The following WDR59 variants were observed in gnomAD, a reference collection of about 807,000 sequenced individuals.
WDR59 encodes the protein WD repeat domain 59.
In WDR59, 100 loss-of-function variants were observed where a neutral mutation model predicts 131.2. The observed-to-expected ratio is 0.76, with a 90% confidence interval of 0.65 to 0.90. The LOEUF (loss-of-function observed/expected upper bound fraction) is 0.90, where lower values mean the gene tolerates loss of function less well. Ranked by LOEUF, WDR59 falls within the 40% of genes least tolerant of loss-of-function variation. The pLI, the probability that WDR59 is intolerant of heterozygous loss-of-function variation, is 0.00. For missense variants in WDR59, 1,203 were observed against 1,262.2 expected (o/e 0.95, Z 0.71); for synonymous variants, 601 against 466.2 (o/e 1.29, Z -3.72).
rs781382350 is a variant in WDR59 at position 74,923,909 on chromosome 16, C to A, written c.729+17G>T. On this transcript the variant is annotated intron_variant, in intron 9 of 25. Transcript: ENST00000262144. ...CAAAAAGAAGTTTCTTATCAAGAGG[C>A]AGGGTGGCTCACTCACTGTGTATCT... The A allele has an allele frequency of 2.5e-6, 4 of 1,611,010 alleles. No individual in the cohort carries two copies. In the South Asian group the frequency reaches 4.4e-5, roughly 18 times the overall value.
chr16:74,885,593 A>C, intron 25 of WDR59, 60 bp downstream of exon 25: 3 of 1,583,886 alleles, frequency 1.9e-6, no homozygotes, highest in Non-Finnish European at 1.7e-6. Flanking sequence ...GAGGCTGTGG[A>C]CATATTAAAT....
rs116010716 is a variant in WDR59, at chr16:74,928,766, G to A, written c.652-4763C>T. On this transcript the variant is annotated intron_variant, in intron 8 of 25. Coordinates refer to ENST00000262144, the MANE Select transcript of WDR59 (RefSeq NM_030581.4). Reference sequence around the variant, plus strand: ...AAAAAAGAAAATACAAAAATAATCCGGGTGTGGTGGTGTGCATCTGTAATC... The same window carrying A: ...AAAAAAGAAAATACAAAAATAATCCAGGTGTGGTGGTGTGCATCTGTAATC... Among the ~76,000 whole-genome samples, 991 of 152,048 alleles carry A rather than the reference G, an allele frequency of 6.5e-3. 11 individuals carry two copies. Among genetic ancestry groups the A allele is most frequent in the African/African-American group, 0.022 (932 of 41,480 alleles).
At chr16:74,946,030 T>C (rs1418178870) in intron 6 of WDR59, among the ~76,000 whole-genome samples, 2 of 151,876 alleles carry the variant, frequency 1.3e-5, no homozygotes, top group Non-Finnish European at 2.9e-5. Context: ...TTGAGGCTGG[T>C]CTCGAACTCC....
At chr16:74,960,966 A>G (rs1483501638) in intron 2 of WDR59, among the ~76,000 whole-genome samples, 1 of 152,042 alleles carries the variant, frequency 6.6e-6, no homozygotes, top group African/African-American at 2.4e-5. Flanking sequence ...TATTTACTTA[A>G]GTTTACCACA....
intron 6 of WDR59, among the ~76,000 whole-genome samples, chr16:74,945,311 C>T (rs868808503): frequency 1.1e-4 from 17 of 150,066 alleles, no homozygotes; most frequent in Non-Finnish European, 4.4e-5. Flanking sequence ...CCTGTCTCTA[C>T]TAAAAATACA....
chr16:74,874,471 CAA>C (rs1268765136), intron 25 of WDR59, 27 bp from the exon 26 acceptor site: 3 of 1,605,338 alleles, frequency 1.9e-6, no homozygotes, highest in Non-Finnish European at 2.6e-6. Context: ...ACGGGCAAAA[CAA>C]GAGGCAGCAT....
chr16:74,916,074 CTCT>C, intron 12 of WDR59, 50 bp downstream of exon 12: 1 of 1,613,984 alleles, frequency 6.2e-7, no homozygotes. Flanking sequence ...TCTGCCACAA[CTCT>C]GCAATGCGTA....
chr16:74,910,409 C>T (rs577985466), intron 14 of WDR59, among the ~76,000 whole-genome samples: 93 of 152,272 alleles, frequency 6.1e-4, no homozygotes, highest in African/African-American at 2.2e-3. Context: ...CACTCCTGAG[C>T]CCTCCTAGAG....
intron 18 of WDR59, among the ~76,000 whole-genome samples, chr16:74,899,931 A>C (rs1965469088): frequency 6.6e-6 from 1 of 152,188 alleles, no homozygotes; most frequent in Non-Finnish European, 1.5e-5. Flanking sequence ...GCACAGCGGA[A>C]TTCGGCTTCC....
rs183196457 is a variant in WDR59, at chr16:74,909,731, T to C, written c.1486-74A>G. 2.2e-4 allele frequency: 341 copies of C among 1,561,746 alleles called. 1 individual carries two copies. In the African/African-American group the frequency reaches 4.1e-3, roughly 19 times the overall value. On this transcript the variant is annotated intron_variant, in intron 15 of 25. Transcript: ENST00000262144. ...TGAACTACAAAATAAAGACCCAGTA[T>C]GACAAAACCAGAAAACCCATGATTT...
At chr16:74,881,357 T>C (rs970424436) in intron 25 of WDR59, among the ~76,000 whole-genome samples, 3 of 151,878 alleles carry the variant, frequency 2.0e-5, no homozygotes, top group Non-Finnish European at 2.9e-5. Flanking sequence ...GTATTTTTTT[T>C]CTTTAATTTT....
chr16:74,979,427 C>A (rs1011427580), intron 1 of WDR59, among the ~76,000 whole-genome samples: 1 of 151,284 alleles, frequency 6.6e-6, no homozygotes, highest in African/African-American at 2.4e-5. Context: ...GATCGAGCCA[C>A]TGCACTCCAG....
At chr16:74,933,456 A>G (rs1385365490) in intron 8 of WDR59, among the ~76,000 whole-genome samples, 1 of 140,174 alleles carries the variant, frequency 7.1e-6, no homozygotes, top group Non-Finnish European at 1.6e-5. Context: ...TGTTTTTCAT[A>G]AAGCTCATGA....
intron 1 of WDR59, among the ~76,000 whole-genome samples, chr16:74,969,939 C>A (rs1459449155): frequency 1.3e-5 from 2 of 151,114 alleles, no homozygotes; most frequent in Non-Finnish European, 3.0e-5. Flanking sequence ...GGGGGGTTTT[C>A]TTGAGACAGG....
At chr16:74,916,869 A>AAC (rs1555559155) in intron 11 of WDR59, among the ~76,000 whole-genome samples, 3 of 151,750 alleles carry the variant, frequency 2.0e-5, no homozygotes, top group African/African-American at 4.8e-5. Context: ...AAAAAAAAAA[A>AAC]AACGAAAACC....
intron 3 of WDR59, among the ~76,000 whole-genome samples, chr16:74,952,932 G>A (rs1597788241): frequency 6.6e-6 from 1 of 152,038 alleles, no homozygotes; most frequent in Non-Finnish European, 1.5e-5. Flanking sequence ...AAAGAGAATA[G>A]GAATGAAAAG....
chr16:74,883,787 G>A (rs959732361), intron 25 of WDR59, among the ~76,000 whole-genome samples: 1 of 152,090 alleles, frequency 6.6e-6, no homozygotes, highest in Non-Finnish European at 1.5e-5. Context: ...CCCAGCCCCA[G>A]CTCCAGGGTC....
At chr16:74,903,822 A>T in intron 18 of WDR59, 125 bp downstream of exon 18, 1 of 1,247,100 alleles carries the variant, frequency 8.0e-7, no homozygotes, top group Non-Finnish European at 1.1e-6. Flanking sequence ...TTTCTTGAAC[A>T]AACTGATTAC....
At chr16:74,948,730 G>A (rs984614037) in intron 5 of WDR59, among the ~76,000 whole-genome samples, 174 bp from the exon 6 acceptor site, 2 of 152,108 alleles carry the variant, frequency 1.3e-5, no homozygotes, top group Non-Finnish European at 2.9e-5. Context: ...GGCCAGGTAC[G>A]GTGACTCATG....
Sources: allele counts gnomAD v4.1 joint callset (sites outside exome capture counted in the v4.1 genomes callset), GRCh38; gene constraint gnomAD v4.1.1; transcripts MANE v1.5; gene names NCBI Gene and HGNC (gene_info 2026-07-23, HGNC 2026-07-21).